NELL1: variants seen among roughly 807,000 people sequenced by gnomAD.
NELL1 encodes the protein protein kinase C-binding protein NELL1.
Under a neutral mutation model 107.4 loss-of-function variants are expected in NELL1, and 76 were observed. The ratio of observed to expected loss-of-function variants is 0.71; its 90% CI spans 0.59 to 0.86. The LOEUF (loss-of-function observed/expected upper bound fraction) is 0.86. NELL1 is among the 40% of genes least tolerant of loss of function. The pLI is 0.00. For missense variants in NELL1, 1,024 were observed against 1,005.5 expected (o/e 1.02, Z -0.25); for synonymous variants, 353 against 341.2 (o/e 1.03, Z -0.38).
chr11:21,291,895 C>T (rs973844412), intron 14 of NELL1, among the ~76,000 whole-genome samples: 2 of 152,182 alleles, frequency 1.3e-5, no homozygotes, highest in Non-Finnish European at 2.9e-5. Context: ...GCTAAAAACT[C>T]TCAATAAACT....
At chr11:21,279,763 A>G (rs2403653) in intron 14 of NELL1, among the ~76,000 whole-genome samples, 146 of 152,324 alleles carry the variant, frequency 9.6e-4, no homozygotes, top group Middle Eastern at 6.8e-3. Context: ...AAAACCTGCA[A>G]ACAGATTGTT....
intron 16 of NELL1, among the ~76,000 whole-genome samples, chr11:21,538,145 T>C (rs1021386220): frequency 1.6e-4 from 25 of 152,158 alleles, no homozygotes; most frequent in African/African-American, 5.5e-4. Flanking sequence ...GTTTGTAGCA[T>C]ATACTCAGCT....
intron 13 of NELL1, among the ~76,000 whole-genome samples, chr11:21,120,446 C>T (rs183692369): frequency 6.6e-6 from 1 of 152,090 alleles, no homozygotes; most frequent in Non-Finnish European, 1.5e-5. Context: ...ACAGAACATT[C>T]CGCAACCTGA....
chr11:21,074,542 GTA>G (rs1854088987), intron 12 of NELL1, among the ~76,000 whole-genome samples: 2 of 152,118 alleles, frequency 1.3e-5, no homozygotes, highest in Admixed American at 1.3e-4. Flanking sequence ...TGCTGCTGAT[GTA>G]TGAGACTAGA....
intron 12 of NELL1, among the ~76,000 whole-genome samples, chr11:21,043,074 T>C (rs1185345106): frequency 6.6e-6 from 1 of 152,142 alleles, no homozygotes. Context: ...AAAGGGGGCA[T>C]GGCTATGAAA....
chr11:21,349,162 C>T lies in NELL1; in HGVS notation c.1550-21691C>T, dbSNP rs535748928. On this transcript the variant is annotated intron_variant, in intron 14 of 19. Coordinates refer to ENST00000357134, the MANE Select transcript of NELL1 (RefSeq NM_006157.5). ...TTGGGTGAATGGAAAGAGAAAATAA[C>T]AAGAGGAAAAAAAAATTCTTGCTTT... 2.6e-5 allele frequency among the ~76,000 whole-genome samples: 4 copies of T among 151,864 alleles called. No homozygotes were observed. In the South Asian group the frequency reaches 8.3e-4, roughly 32 times the overall value.
chr11:21,229,069 G>A (rs11025973), intron 13 of NELL1, among the ~76,000 whole-genome samples: 6,097 of 152,002 alleles, frequency 0.04, 378 homozygotes, highest in East Asian at 0.33. Context: ...AAGAAACAAC[G>A]GCCTTAGTGC....
intron 15 of NELL1, among the ~76,000 whole-genome samples, chr11:21,491,048 A>G (rs1389129300): frequency 6.6e-6 from 1 of 152,154 alleles, no homozygotes; most frequent in Non-Finnish European, 1.5e-5. Flanking sequence ...CAAACTGTCT[A>G]TCCAAGGGAC....
chr11:21,356,550 C>T (rs756299227), intron 14 of NELL1, among the ~76,000 whole-genome samples: 5 of 152,204 alleles, frequency 3.3e-5, no homozygotes, highest in African/African-American at 4.8e-5. Context: ...CATTGTCCTC[C>T]GCGCAAACAC....
At chr11:21,033,389 C>CCTCCAAGTAGGCTCCCTGAT (rs1468563501) in intron 12 of NELL1, among the ~76,000 whole-genome samples, 33 of 152,246 alleles carry the variant, frequency 2.2e-4, no homozygotes, top group African/African-American at 7.2e-4. Context: ...CCTCCTCCCA[C>CCTCCAAGTAGGCTCCCTGAT]CCTCCACCTC....
intron 2 of NELL1, 76 bp from the exon 3 acceptor site, chr11:20,783,604 C>T: frequency 9.6e-7 from 1 of 1,038,462 alleles, no homozygotes. Flanking sequence ...TCCTCTTTCT[C>T]CTATATTTCT....
chr11:21,485,010 G>T (rs1386121414), intron 15 of NELL1, among the ~76,000 whole-genome samples: 1 of 152,098 alleles, frequency 6.6e-6, no homozygotes, highest in Non-Finnish European at 1.5e-5. Context: ...ACTAGGAACT[G>T]GGAGAAGCTC....
chr11:20,900,225 A>G (rs1426714445), intron 5 of NELL1, among the ~76,000 whole-genome samples: 5 of 152,086 alleles, frequency 3.3e-5, no homozygotes, highest in African/African-American at 4.8e-5. Flanking sequence ...AGCCCAAACT[A>G]GTTTACATGA....
At chr11:21,573,461 C>G (rs1341127266) in intron 19 of NELL1, 52 bp downstream of exon 19, 3 of 1,503,678 alleles carry the variant, frequency 2.0e-6, no homozygotes, top group Non-Finnish European at 2.8e-6. Context: ...CCAGAGAACA[C>G]TTGCAGGAGG....
chr11:21,216,431 C>G (rs544356783), intron 13 of NELL1, among the ~76,000 whole-genome samples: 2 of 152,274 alleles, frequency 1.3e-5, no homozygotes, highest in Admixed American at 1.3e-4. Flanking sequence ...GGTAGATCCA[C>G]TGACAGCTTG....
At chr11:20,885,355 CTAA>C in intron 4 of NELL1, 86 bp from the exon 5 acceptor site, 1 of 793,078 alleles carries the variant, frequency 1.3e-6, no homozygotes, top group Non-Finnish European at 2.3e-6. Flanking sequence ...CATACAGCAG[CTAA>C]TGGCATGCAT....
chr11:20,941,454 C>T (rs78917937), intron 10 of NELL1, among the ~76,000 whole-genome samples: 20 of 152,142 alleles, frequency 1.3e-4, no homozygotes, highest in Non-Finnish European at 2.6e-4. Flanking sequence ...GAGTTCCTTG[C>T]GTTCTTTTCC....
intron 7 of NELL1, 80 bp downstream of exon 7, chr11:20,919,414 A>T (rs77057490): frequency 1.2e-6 from 1 of 862,084 alleles, no homozygotes; most frequent in African/African-American, 1.7e-5. Context: ...GTTATAATGG[A>T]AACATTTTTA....
At chr11:21,428,198 A>C (rs1852878802) in intron 15 of NELL1, among the ~76,000 whole-genome samples, 1 of 152,140 alleles carries the variant, frequency 6.6e-6, no homozygotes, top group African/African-American at 2.4e-5. Flanking sequence ...GTTAATAGAG[A>C]GCTATTAATT....
Sources: gnomAD v4.1 joint callset for allele counts (sites outside exome capture counted in the v4.1 genomes callset) on GRCh38, gnomAD v4.1.1 for gene constraint, MANE v1.5 for transcripts, NCBI Gene and HGNC (gene_info 2026-07-23, HGNC 2026-07-21) for gene names.